KIRREL1: variants seen among roughly 807,000 people sequenced by gnomAD.
The protein encoded by KIRREL1 is kin of IRRE-like protein 1.
KIRREL1 carries 25 observed loss-of-function variants against 83.3 expected under a neutral mutation model. The ratio of observed to expected loss-of-function variants is 0.30; its 90% CI spans 0.22 to 0.42. The LOEUF (loss-of-function observed/expected upper bound fraction) is 0.42, where lower values mean the gene tolerates loss of function less well. KIRREL1 is among the 10% of genes least tolerant of loss of function. The pLI is 1.00. For missense variants in KIRREL1, 812 were observed against 1,032.3 expected (o/e 0.79, Z 2.92); for synonymous variants, 388 against 410.4 (o/e 0.95, Z 0.66).
chr1:158,001,867 T>C (rs574251779), intron 1 of KIRREL1, among the ~76,000 whole-genome samples: 1 of 152,268 alleles, frequency 6.6e-6, no homozygotes, highest in African/African-American at 2.4e-5. Context: ...GACTCCCCTG[T>C]AAGAACTGGG....
intron 2 of KIRREL1, among the ~76,000 whole-genome samples, chr1:158,077,019 C>T (rs1012282517): frequency 4.6e-5 from 7 of 152,202 alleles, no homozygotes; most frequent in African/African-American, 1.4e-4. Flanking sequence ...TGGTTGCAGG[C>T]CGGTCTGCCT....
chr1:158,084,322 G>A (rs531117686), intron 3 of KIRREL1, 100 bp from the exon 4 acceptor site: 50 of 1,183,190 alleles, frequency 4.2e-5, no homozygotes, highest in South Asian at 3.3e-4. Context: ...ACCTAGAGGC[G>A]CACATGCAGG....
At chr1:158,040,978 G>T (rs1239728166) in intron 1 of KIRREL1, among the ~76,000 whole-genome samples, 1 of 152,184 alleles carries the variant, frequency 6.6e-6, no homozygotes, top group Non-Finnish European at 1.5e-5. Context: ...AGCTGGGCAT[G>T]TGTGGAAGTA....
Position 158,093,423 on chromosome 1 carries a change from T to C in KIRREL1, c.1556T>C (p.Phe519Ser). ...LIFFFIALVF[F>S]LYRRRKGSRK... ...TTCTTCTTCATCGCCTTGGTATTCT[T>C]CCTCTACCGGCGCCGCAAAGGCAGT... Residue 519 changes from phenylalanine (F) to serine (S), a missense_variant, in exon 12 of 15, where the codon TTC becomes TCC. Physicochemically the swap from Phe to Ser is radical, Grantham distance 155. Around this residue, in one of 3 missense-constraint regions of KIRREL1, gnomAD observed 334 missense variants for 383.7 expected, o/e 0.87. Transcript: ENST00000359209. 6.2e-7 allele frequency: 1 copy of C among 1,614,178 alleles called. No homozygotes were observed. Among genetic ancestry groups the C allele is most frequent in the Non-Finnish European group, 8.5e-7 (1 of 1,180,024 alleles).
At chr1:157,994,751 A>G (rs1467182253) in intron 1 of KIRREL1, among the ~76,000 whole-genome samples, 1 of 152,084 alleles carries the variant, frequency 6.6e-6, no homozygotes, top group African/African-American at 2.4e-5. Context: ...TAAAACACTC[A>G]CAGACACTGA....
intron 1 of KIRREL1, among the ~76,000 whole-genome samples, chr1:158,033,830 A>G (rs978924894): frequency 1.3e-5 from 2 of 152,100 alleles, no homozygotes; most frequent in Non-Finnish European, 2.9e-5. Context: ...AAATACAAAA[A>G]TTAGCCAGGC....
intron 1 of KIRREL1, among the ~76,000 whole-genome samples, chr1:158,029,337 C>CTGTGTGTGTGTGTG (rs60980289): frequency 0.026 from 1,813 of 69,296 alleles, 23 homozygotes; most frequent in Non-Finnish European, 0.041. Context: ...TAACAAAAAC[C>CTGTGTGTGTGTGTG]TGTGTGTGTG....
intron 10 of KIRREL1, among the ~76,000 whole-genome samples, chr1:158,090,646 C>T (rs568026463): frequency 9.2e-5 from 14 of 152,236 alleles, no homozygotes; most frequent in South Asian, 4.1e-4. Flanking sequence ...GGGAATGGTC[C>T]GGCTGAGAAG....
chr1:158,014,425 T>C (rs994988619), intron 1 of KIRREL1, among the ~76,000 whole-genome samples: 1 of 152,048 alleles, frequency 6.6e-6, no homozygotes, highest in Admixed American at 6.6e-5. Context: ...GGCCGCAGGT[T>C]CCATACTCCT....
intron 11 of KIRREL1, among the ~76,000 whole-genome samples, chr1:158,092,709 G>A (rs1488015939): frequency 6.6e-6 from 1 of 152,140 alleles, no homozygotes; most frequent in African/African-American, 2.4e-5. Context: ...GAATGGAGTA[G>A]ATACAGTAAC....
At chr1:158,072,008 C>T (rs1332072983) in intron 1 of KIRREL1, among the ~76,000 whole-genome samples, 2 of 152,176 alleles carry the variant, frequency 1.3e-5, no homozygotes, top group Non-Finnish European at 2.9e-5. Context: ...CCTCACTGCT[C>T]ACTTTCTAGG....
intron 3 of KIRREL1, among the ~76,000 whole-genome samples, chr1:158,084,204 A>C (rs541145086): frequency 1.3e-5 from 2 of 152,270 alleles, no homozygotes; most frequent in South Asian, 4.2e-4. Context: ...CCAGGAAAGA[A>C]AAGCAGACAA....
intron 1 of KIRREL1, among the ~76,000 whole-genome samples, chr1:158,001,299 C>T (rs886270335): frequency 6.6e-6 from 1 of 152,214 alleles, no homozygotes; most frequent in African/African-American, 2.4e-5. Flanking sequence ...CCTTGAAGGT[C>T]TCACTTTGTG....
chr1:158,070,365 A>G (rs1271770910), intron 1 of KIRREL1, among the ~76,000 whole-genome samples: 2 of 152,210 alleles, frequency 1.3e-5, no homozygotes, highest in African/African-American at 4.8e-5. Context: ...CTTTTCTATA[A>G]AACAGAGATA....
At chr1:158,061,469 G>A (rs910536042) in intron 1 of KIRREL1, among the ~76,000 whole-genome samples, 1 of 152,082 alleles carries the variant, frequency 6.6e-6, no homozygotes, top group African/African-American at 2.4e-5. Flanking sequence ...AAGAGTGTGA[G>A]AGAAGAGGCA....
chr1:158,041,586 T>C (rs1339871822), intron 1 of KIRREL1, among the ~76,000 whole-genome samples: 2 of 152,210 alleles, frequency 1.3e-5, no homozygotes, highest in Admixed American at 6.5e-5. Context: ...CCCTGCCCTC[T>C]GAGCCTCACT....
intron 1 of KIRREL1, among the ~76,000 whole-genome samples, chr1:158,021,055 T>C (rs1659992100): frequency 6.6e-6 from 1 of 152,082 alleles, no homozygotes; most frequent in Admixed American, 6.6e-5. Flanking sequence ...GCACTTAGAG[T>C]TGATGGTCCC....
chr1:158,036,633 C>T (rs59961209), intron 1 of KIRREL1, among the ~76,000 whole-genome samples: 6 of 152,032 alleles, frequency 3.9e-5, no homozygotes, highest in Admixed American at 6.6e-5. Flanking sequence ...GAAAGAGAGG[C>T]GCTTGATGGA....
chr1:158,042,770 T>C (rs1660664347), intron 1 of KIRREL1, among the ~76,000 whole-genome samples: 1 of 152,090 alleles, frequency 6.6e-6, no homozygotes, highest in Non-Finnish European at 1.5e-5. Flanking sequence ...GTTATTACTA[T>C]GCCTTATAAA....
Sources: allele counts gnomAD v4.1 joint callset (sites outside exome capture counted in the v4.1 genomes callset), GRCh38; gene constraint gnomAD v4.1.1; regional missense constraint gnomAD v4.1.1; transcripts MANE v1.5; gene names NCBI Gene and HGNC (gene_info 2026-07-23, HGNC 2026-07-21).